Variants in KLHL29 observed in about 807,000 individuals in gnomAD.
KLHL29 encodes the protein kelch like family member 29, also known as kelch-like protein 29.
In KLHL29, 21 loss-of-function variants were observed where a neutral mutation model predicts 80.4. The ratio of observed to expected loss-of-function variants is 0.26; its 90% CI spans 0.19 to 0.38. KLHL29 has a LOEUF of 0.38. Ranked by LOEUF, KLHL29 falls within the 10% of genes least tolerant of loss-of-function variation. The pLI is 1.00. For synonymous variants in KLHL29, 511 were observed against 526.8 expected (o/e 0.97, Z 0.41); for missense variants, 867 against 1,223.9 (o/e 0.71, Z 4.35).
At chr2:23,516,363 A>G (rs1183857172) in intron 2 of KLHL29, among the ~76,000 whole-genome samples, 1 of 152,004 alleles carries the variant, frequency 6.6e-6, no homozygotes, top group Non-Finnish European at 1.5e-5. Context: ...TTCCAGATTC[A>G]TTTATTTTAA....
intron 2 of KLHL29, among the ~76,000 whole-genome samples, chr2:23,552,800 G>A (rs1177898975): frequency 4.1e-5 from 5 of 123,024 alleles, no homozygotes; most frequent in South Asian, 2.7e-4. Context: ...TCACTGTGTC[G>A]CCAGGCTGAA....
Position 23,604,787 on chromosome 2 carries a change from C to T in KLHL29, c.286-34352C>T, listed in dbSNP as rs1020213618. ...TTCCCTGGAGGTGGTGTCCTTACCA[C>T]GCCTCTCCAGTGCCTCCTCCTCCCT... On this transcript the variant is annotated intron_variant, in intron 3 of 13. Transcript: ENST00000486442. 3.3e-5 allele frequency among the ~76,000 whole-genome samples: 5 copies of T among 152,250 alleles called. No homozygotes were observed. In the East Asian group the frequency reaches 5.8e-4, roughly 18 times the overall value.
rs556897896 is a variant in KLHL29 at position 23,574,683 on chromosome 2, G to A, written c.285+12202G>A. The stretch of plus-strand genomic sequence containing the variant: ...ACTAAACTGTACGCTTGAAAATGGG[G>A]AAAATGGCAAATTTTATGTTAGCAT... On this transcript the variant is annotated intron_variant, in intron 3 of 13. Coordinates refer to ENST00000486442, the MANE Select transcript of KLHL29 (RefSeq NM_052920.2). 1.2e-4 allele frequency among the ~76,000 whole-genome samples: 18 copies of A among 152,202 alleles called. No individual in the cohort carries two copies. In the East Asian group the frequency reaches 2.5e-3, roughly 21 times the overall value.
intron 1 of KLHL29, among the ~76,000 whole-genome samples, chr2:23,456,259 G>A (rs1298421405): frequency 6.6e-6 from 1 of 152,196 alleles, no homozygotes; most frequent in African/African-American, 2.4e-5. Flanking sequence ...AGCTGGAGGG[G>A]GCCAAGGCAG....
chr2:23,626,175 C>T (rs1393358357), intron 3 of KLHL29, among the ~76,000 whole-genome samples: 4 of 152,204 alleles, frequency 2.6e-5, no homozygotes, highest in Non-Finnish European at 5.9e-5. Context: ...GAGTACACAA[C>T]CTGGATCCCT....
intron 5 of KLHL29, among the ~76,000 whole-genome samples, chr2:23,676,805 T>C (rs1347036196): frequency 1.3e-5 from 2 of 152,078 alleles, no homozygotes; most frequent in African/African-American, 4.8e-5. Context: ...TATGAAGCTG[T>C]GAGCACAGGT....
At chr2:23,687,805 G>T (rs1177530880) in intron 6 of KLHL29, among the ~76,000 whole-genome samples, 1 of 152,218 alleles carries the variant, frequency 6.6e-6, no homozygotes, top group Non-Finnish European at 1.5e-5. Flanking sequence ...GCAGGGCCGG[G>T]TATGAGGGTG....
chr2:23,488,905 C>T (rs1463228556), intron 2 of KLHL29, among the ~76,000 whole-genome samples: 1 of 152,230 alleles, frequency 6.6e-6, no homozygotes, highest in East Asian at 1.9e-4. Flanking sequence ...CATCCTAAAT[C>T]TGTATTAAGG....
At chr2:23,421,414 T>C (rs951870137) in intron 1 of KLHL29, among the ~76,000 whole-genome samples, 1 of 152,052 alleles carries the variant, frequency 6.6e-6, no homozygotes, top group Non-Finnish European at 1.5e-5. Flanking sequence ...GCCTCTCCTC[T>C]CCTCTCCTCC....
At chr2:23,459,117 C>T (rs771887644) in intron 1 of KLHL29, among the ~76,000 whole-genome samples, 3 of 151,978 alleles carry the variant, frequency 2.0e-5, no homozygotes, top group Non-Finnish European at 2.9e-5. Flanking sequence ...CAGGATGGCT[C>T]CTAGGTATCA....
rs779856755 is a variant in KLHL29, at chr2:23,562,203, C to T, written c.7C>T (p.Arg3Trp). Residue 3 changes from arginine to tryptophan, a missense_variant, in exon 3 of 14, where the codon CGG (arginine) becomes TGG (tryptophan). Physicochemically the swap from Arg to Trp is moderately radical, Grantham distance 101 (BLOSUM62 -3). Transcript: ENST00000486442. This position sits in a 1 kb window ranked among gnomAD's most constrained non-coding sequence, Gnocchi z 4.5. ...GCCGCCTCGGCCCACCGAGATGTCC[C>T]GGCACCATAGCCGCTTCGAAAGAGA... Reference protein sequence around the residue: MSRHHSRFERDYR... With the variant: MSWHHSRFERDYR... 98 of 1,550,514 alleles carry T rather than the reference C, an allele frequency of 6.3e-5. No individual in the cohort carries two copies. The highest frequency in any genetic ancestry group is 2.4e-5 in the Non-Finnish European group (27 of 1,146,984).
chr2:23,691,680 G>A lies in KLHL29; in HGVS notation c.1086G>A (p.Val362=), dbSNP rs1182112971. Residue 362 remains valine (V), a synonymous_variant, in exon 7 of 14, where the codon GTG becomes GTA. Coordinates refer to ENST00000486442, the MANE Select transcript of KLHL29 (RefSeq NM_052920.2). ...CCCTGGTCTCTGTGCCTAGGTCCGT[G>A]CAAGACAGCGGCCAGGGCGGCCGGG... The part of the protein sequence containing the change: ...LYFKDLIQRS[V]QDSGQGGREK... 6.4e-7 allele frequency: 1 copy of A among 1,551,684 alleles called. No homozygotes were observed. Among genetic ancestry groups the A allele is most frequent in the South Asian group, 1.2e-5 (1 of 84,064 alleles).
chr2:23,506,677 C>T (rs890976548), intron 2 of KLHL29, among the ~76,000 whole-genome samples: 3 of 152,212 alleles, frequency 2.0e-5, no homozygotes, highest in African/African-American at 7.2e-5. Context: ...GAACTCATTA[C>T]ATCAGAGCAT....
In KLHL29 at chr2:23,599,135, G is replaced by A. The variant is rs1198199075; in HGVS notation, c.285+36654G>A. On this transcript the variant is annotated intron_variant, in intron 3 of 13. Coordinates refer to ENST00000486442, the MANE Select transcript of KLHL29 (RefSeq NM_052920.2). ...AGGTTTCTCAACCTCAGAGGATGATGAAGATAAATGCATGTCCCGCAGAAT... is the reference window on the plus strand; with the variant it reads ...AGGTTTCTCAACCTCAGAGGATGATAAAGATAAATGCATGTCCCGCAGAAT... 2.0e-5 allele frequency among the ~76,000 whole-genome samples: 3 copies of A among 152,372 alleles called. No homozygotes were observed. In the East Asian group the frequency reaches 5.8e-4, roughly 29 times the overall value.
At chr2:23,638,591 G>C (rs1408035834) in intron 3 of KLHL29, among the ~76,000 whole-genome samples, 1 of 152,180 alleles carries the variant, frequency 6.6e-6, no homozygotes, top group African/African-American at 2.4e-5. Flanking sequence ...GGACAATTGG[G>C]CCTCAGAGGC....
At chr2:23,444,167 G>A (rs13021740) in intron 1 of KLHL29, among the ~76,000 whole-genome samples, 1 of 152,042 alleles carries the variant, frequency 6.6e-6, no homozygotes, top group Non-Finnish European at 1.5e-5. Flanking sequence ...TTACCTCTTA[G>A]GCACTAGGGA....
chr2:23,614,104 TCAAAA>T (rs1464661448), intron 3 of KLHL29, among the ~76,000 whole-genome samples: 40 of 152,258 alleles, frequency 2.6e-4, no homozygotes, highest in Admixed American at 7.8e-4. Context: ...AATCAGAAAC[TCAAAA>T]CAATGCACCC....
At chr2:23,426,146 G>A (rs1662998395) in intron 1 of KLHL29, among the ~76,000 whole-genome samples, 1 of 152,176 alleles carries the variant, frequency 6.6e-6, no homozygotes, top group African/African-American at 2.4e-5. Flanking sequence ...AAGGCTGTGG[G>A]AAGCGGGGAG....
chr2:23,631,676 A>G (rs1448277306), intron 3 of KLHL29, among the ~76,000 whole-genome samples: 1 of 152,240 alleles, frequency 6.6e-6, no homozygotes, highest in Non-Finnish European at 1.5e-5. Flanking sequence ...TTTGTAGTTC[A>G]GTAGCAATCA....
Sources: allele counts gnomAD v4.1 joint callset (sites outside exome capture counted in the v4.1 genomes callset), GRCh38; gene constraint gnomAD v4.1.1; non-coding constraint Gnocchi (gnomAD v3.1); transcripts MANE v1.5; gene names NCBI Gene and HGNC (gene_info 2026-07-23, HGNC 2026-07-21).